The following MYOM1 variants were observed in gnomAD, a reference collection of about 807,000 sequenced individuals.
MYOM1 encodes myomesin-1.
In MYOM1, 164 loss-of-function variants were observed where a neutral mutation model predicts 205.3. The ratio of observed to expected loss-of-function variants is 0.80; its 90% CI spans 0.70 to 0.91. The LOEUF (loss-of-function observed/expected upper bound fraction) is 0.91, where lower values mean the gene tolerates loss of function less well. MYOM1 is among the 40% of genes least tolerant of loss of function. The pLI is 0.00. For synonymous variants in MYOM1, 772 were observed against 789.4 expected (o/e 0.98, Z 0.37); for missense variants, 2,011 against 2,127.3 (o/e 0.95, Z 1.08).
chr18:3,125,995 G>A (rs187713784), intron 19 of MYOM1, among the ~76,000 whole-genome samples: 80 of 152,142 alleles, frequency 5.3e-4, no homozygotes, highest in Admixed American at 2.2e-3. Context: ...CCAGCCGGCC[G>A]CGGTGGCTCA....
chr18:3,194,462 G>A (rs6417010), intron 2 of MYOM1, among the ~76,000 whole-genome samples: 82,536 of 152,048 alleles, frequency 0.54, 23,627 homozygotes, highest in African/African-American at 0.74. Flanking sequence ...CTTATTAAAT[G>A]ATAGAGTTAA....
chr18:3,145,995 T>C (rs530803971), intron 13 of MYOM1, among the ~76,000 whole-genome samples: 1 of 152,104 alleles, frequency 6.6e-6, no homozygotes, highest in East Asian at 1.9e-4. Context: ...ACTTTATGAA[T>C]GAAAAAGTTT....
At chr18:3,233,651 G>C in the MYOM1 span, among the ~76,000 whole-genome samples, 2 of 152,178 alleles carry the variant, frequency 1.3e-5, no homozygotes, top group Admixed American at 6.5e-5. Flanking sequence ...TGCAAAAAGA[G>C]GTGTTATGTG....
the MYOM1 span, chr18:3,246,052 TGGAA>T: frequency 2.0e-5 from 3 of 152,148 alleles, no homozygotes; most frequent in African/African-American, 4.8e-5. Flanking sequence ...GCTGACTGAG[TGGAA>T]GGAAGACAAA....
intron 19 of MYOM1, among the ~76,000 whole-genome samples, chr18:3,121,149 TC>T (rs1257834223): frequency 1.3e-5 from 2 of 151,968 alleles, no homozygotes; most frequent in Admixed American, 1.3e-4. Flanking sequence ...AATGAGAACA[TC>T]AAACATATGT....
At chr18:3,154,662 G>T (rs964726601) in intron 11 of MYOM1, among the ~76,000 whole-genome samples, 1 of 149,578 alleles carries the variant, frequency 6.7e-6, no homozygotes, top group African/African-American at 2.5e-5. Context: ...TTTATAATGG[G>T]TATATATACC....
At chr18:3,205,735 CA>C (rs1324568274) in intron 2 of MYOM1, among the ~76,000 whole-genome samples, 1 of 152,160 alleles carries the variant, frequency 6.6e-6, no homozygotes, top group Non-Finnish European at 1.5e-5. Context: ...AAGTTTATTT[CA>C]AACATTATTG....
intron 10 of MYOM1, among the ~76,000 whole-genome samples, chr18:3,162,675 A>C (rs562490351): frequency 6.6e-6 from 1 of 152,324 alleles, no homozygotes; most frequent in Admixed American, 6.5e-5. Flanking sequence ...GGTCTTCCCA[A>C]GTGCTAGGAT....
Position 3,094,307 on chromosome 18 carries a change from C to T in MYOM1, c.3728-1G>A, listed in dbSNP as rs756554694. 1 of 1,603,588 alleles carries T rather than the reference C, an allele frequency of 6.2e-7. No homozygotes were observed. Among genetic ancestry groups the T allele is most frequent in the Non-Finnish European group, 8.5e-7 (1 of 1,174,980 alleles). On this transcript the variant is annotated splice_acceptor_variant, in intron 25 of 37. Transcript: ENST00000356443. LOFTEE classifies it high-confidence loss of function. ...GCCAACTCTGATTTAACTGGGACAGCTATGAAAAGTAAAAATAAACACAGT... is the reference window on the plus strand; with the variant it reads ...GCCAACTCTGATTTAACTGGGACAGTTATGAAAAGTAAAAATAAACACAGT...
At chr18:3,130,521 A>G (rs1020179550) in intron 17 of MYOM1, among the ~76,000 whole-genome samples, 2 of 152,086 alleles carry the variant, frequency 1.3e-5, no homozygotes, top group South Asian at 2.1e-4. Context: ...GTGAGATCAT[A>G]GTTCACTGCA....
rs201441539 is a variant in MYOM1, at chr18:3,215,174, T to C, written c.50A>G (p.Tyr17Cys). The C allele has an allele frequency of 6.2e-7, 1 of 1,613,386 alleles. No individual in the cohort carries two copies. Among genetic ancestry groups the C allele is most frequent in the Non-Finnish European group, 8.5e-7 (1 of 1,179,688 alleles). The change falls in exon 2 of 38, where the codon TAC becomes TGC. Residue 17 changes from tyrosine (Y) to cysteine (C), a missense_variant. By Grantham distance (194) the Tyr-to-Cys change is radical. Coordinates refer to ENST00000356443, the MANE Select transcript of MYOM1 (RefSeq NM_003803.4). ...QRCHQHYDLS[Y>C]RNKDVRSTVS... ...GGTGCTGCGCACGTCCTTGTTGCGG[T>C]AGCTGAGATCATAGTGCTGGTGGCA...
chr18:3,164,513 C>A (rs2080441682), intron 9 of MYOM1, 74 bp from the exon 10 acceptor site: 1 of 1,348,658 alleles, frequency 7.4e-7, no homozygotes, highest in Admixed American at 2.5e-5. Flanking sequence ...CCCTCCATTC[C>A]TCTCCTTAGC....
rs928813751 is a variant in MYOM1 at position 3,216,721 on chromosome 18, T to C, written c.-28-1470A>G. On this transcript the variant is annotated intron_variant, in intron 1 of 37. Transcript: ENST00000356443. ...AGGTAGCAGTAAGGACTTCAGCTAATACTGTGAAAGGGCTGAGAGGCCATT... is the reference window on the plus strand; with the variant it reads ...AGGTAGCAGTAAGGACTTCAGCTAACACTGTGAAAGGGCTGAGAGGCCATT... 2.0e-5 allele frequency among the ~76,000 whole-genome samples: 3 copies of C among 152,212 alleles called. No homozygotes were observed. In the East Asian group the frequency reaches 5.8e-4, roughly 29 times the overall value.
rs79745437 is a variant in MYOM1, at chr18:3,071,824, T to C, written c.4764+10A>G. ...CAGAAGGAGCAGGCACAGGCAGGCTTCATGCTTACCTTCCCCTCCTGGATG... is the reference window on the plus strand; with the variant it reads ...CAGAAGGAGCAGGCACAGGCAGGCTCCATGCTTACCTTCCCCTCCTGGATG... On this transcript the variant is annotated intron_variant, in intron 37 of 37. Coordinates refer to ENST00000356443, the MANE Select transcript of MYOM1 (RefSeq NM_003803.4). The C allele has an allele frequency of 2.8e-4, 448 of 1,595,900 alleles. 3 individuals carry two copies. In the African/African-American group the frequency reaches 5.0e-3, roughly 18 times the overall value.
chr18:3,116,548 A>C (rs1008290777), intron 20 of MYOM1, 33 bp from the exon 21 acceptor site: 51 of 1,489,288 alleles, frequency 3.4e-5, no homozygotes, highest in Non-Finnish European at 4.6e-5. Context: ...AGTAGAAATC[A>C]TAACAGAGAA....
intron 37 of MYOM1, among the ~76,000 whole-genome samples, chr18:3,071,363 G>A (rs1196767317): frequency 6.6e-6 from 1 of 151,490 alleles, no homozygotes; most frequent in Admixed American, 6.6e-5. Context: ...TTGGAAAACC[G>A]ACTGATTTTT....
chr18:3,197,834 C>T lies in MYOM1; in HGVS notation c.291-3876G>A, dbSNP rs762020128. On this transcript the variant is annotated intron_variant, in intron 2 of 37. Coordinates refer to ENST00000356443, the MANE Select transcript of MYOM1 (RefSeq NM_003803.4). The stretch of plus-strand genomic sequence containing the variant: ...CTTGCAGTGAGCCGAGATCGCACCA[C>T]TGCACTCTGGCCTGGGTGACAGAGC... Among the ~76,000 whole-genome samples, 4 of 152,192 alleles carry T rather than the reference C, an allele frequency of 2.6e-5. No individual in the cohort carries two copies. The South Asian group carries it at 6.2e-4, about 24-fold the overall frequency.
chr18:3,107,406 C>T (rs141348977), intron 22 of MYOM1, among the ~76,000 whole-genome samples: 5,043 of 152,278 alleles, frequency 0.033, 150 homozygotes, highest in Non-Finnish European at 0.05. Context: ...CGTGAGCCAC[C>T]GCACCCGGCC....
In MYOM1 at chr18:3,126,739, C is replaced by A; in HGVS notation, c.2953G>T (p.Glu985Ter). The A allele has an allele frequency of 3.1e-6, 5 of 1,613,658 alleles. No homozygotes were observed. The highest frequency in any genetic ancestry group is 4.2e-6 in the Non-Finnish European group (5 of 1,179,782). Reference sequence around the variant, plus strand: ...TCACTGACAGCCTTGACATTGGCTTCTCTCCATTTTCCTGGTACCCCATCA... The same window carrying A: ...TCACTGACAGCCTTGACATTGGCTTATCTCCATTTTCCTGGTACCCCATCA... ...VIDGVPGKWR[E>*]ANVKAVSEEA... Residue 985 changes from glutamate (E) to a stop codon, truncating the protein, a stop_gained, in exon 19 of 38, where the codon GAA becomes TAA. Coordinates refer to ENST00000356443, the MANE Select transcript of MYOM1 (RefSeq NM_003803.4). LOFTEE classifies it high-confidence loss of function.
Sources: allele counts gnomAD v4.1 joint callset (sites outside exome capture counted in the v4.1 genomes callset), GRCh38; gene constraint gnomAD v4.1.1; transcripts MANE v1.5; gene names NCBI Gene and HGNC (gene_info 2026-07-23, HGNC 2026-07-21).